Variants in MAP4K4 observed in about 807,000 individuals in gnomAD.
MAP4K4 encodes the protein HPK/GCK-like kinase HGK.
MAP4K4 carries 38 observed loss-of-function variants against 189.6 expected under a neutral mutation model. That is an observed-to-expected ratio of 0.20 (90% CI 0.15 to 0.26). The LOEUF (loss-of-function observed/expected upper bound fraction) is 0.26. Ranked by LOEUF, MAP4K4 falls within the 10% of genes least tolerant of loss-of-function variation. MAP4K4 has a pLI of 1.00. For synonymous variants in MAP4K4, 610 were observed against 624.3 expected, an observed-to-expected ratio of 0.98 and a Z score of 0.34; for missense variants, 1,054 against 1,726.9, an observed-to-expected ratio of 0.61 and a Z score of 6.91.
chr2:101,698,416 T>C, intron 1 of MAP4K4, 57 bp from the exon 2 acceptor site: 1 of 1,438,662 alleles, frequency 7.0e-7, no homozygotes, highest in Non-Finnish European at 9.8e-7. Context: ...CCTTGCTTGA[T>C]TTATTCATTT....
chr2:101,860,399 T>C (rs888929167), intron 15 of MAP4K4: 2 of 187,674 alleles, frequency 1.1e-5, no homozygotes, highest in African/African-American at 4.7e-5. Flanking sequence ...CCTTCTATTG[T>C]GTCTGCCCTC....
intron 6 of MAP4K4, among the ~76,000 whole-genome samples, chr2:101,830,097 GTTTTTT>G (rs376706649): frequency 6.6e-6 from 1 of 151,840 alleles, no homozygotes. Flanking sequence ...TGAAGTCACA[GTTTTTT>G]TTCTCATGTT....
intron 30 of MAP4K4, 170 bp downstream of exon 30, chr2:101,887,407 T>G: frequency 1.5e-6 from 1 of 663,212 alleles, no homozygotes. Flanking sequence ...CTTAGACAAG[T>G]GGAAATCCGC....
intron 2 of MAP4K4, among the ~76,000 whole-genome samples, chr2:101,739,991 G>T (rs2061905312): frequency 1.3e-5 from 2 of 152,140 alleles, no homozygotes; most frequent in African/African-American, 4.8e-5. Context: ...GGGAGGAAGG[G>T]TGATGGAGAA....
chr2:101,839,535 T>C (rs2096858600), intron 9 of MAP4K4, among the ~76,000 whole-genome samples: 1 of 152,220 alleles, frequency 6.6e-6, no homozygotes, highest in East Asian at 1.9e-4. Flanking sequence ...ATGTGCAATA[T>C]TAGATTTAAA....
chr2:101,729,079 AGAGAGAGAG>A lies in MAP4K4; in HGVS notation c.123+30542_123+30550del, dbSNP rs2057094721. ...GGCTCAGAAAATGATTAGAGAGAGGAGAGAGAGAGAGAGAGAGAGAGAGTGTGTGTGTGT... is the reference window on the plus strand; with the variant it reads ...GGCTCAGAAAATGATTAGAGAGAGGAAGAGAGAGAGAGAGTGTGTGTGTGT... On this transcript the variant is annotated intron_variant, in intron 2 of 32. Coordinates refer to ENST00000324219, the Ensembl canonical transcript of MAP4K4. Among the ~76,000 whole-genome samples the A allele has an allele frequency of 1.8e-5, 2 of 108,390 alleles. 1 individual carries two copies. Among genetic ancestry groups the A allele is most frequent in the South Asian group, 6.9e-4 (2 of 2,884 alleles). The allele number at this position is 108,390 out of a possible 152,430, so 71.1% of individuals were successfully genotyped here.
At chr2:101,888,804 C>A (rs1247832319) in exon 32 of MAP4K4, 2 of 1,607,504 alleles carry the variant, frequency 1.2e-6, no homozygotes, top group African/African-American at 2.7e-5. Flanking sequence ...AGCATATATT[C>A]GATCCAATCA....
At chr2:101,827,477 C>T (rs972659001) in intron 5 of MAP4K4, among the ~76,000 whole-genome samples, 1 of 152,122 alleles carries the variant, frequency 6.6e-6, no homozygotes, top group African/African-American at 2.4e-5. Context: ...AATGCAGCCA[C>T]CCCCAGACAG....
intron 2 of MAP4K4, among the ~76,000 whole-genome samples, chr2:101,740,405 C>G (rs1371486980): frequency 2.0e-5 from 2 of 102,522 alleles, no homozygotes; most frequent in South Asian, 2.3e-4. Flanking sequence ...CCGCCCGCCT[C>G]GGCCTCCCAA....
At chr2:101,784,780 TC>T (rs2089794044) in intron 2 of MAP4K4, among the ~76,000 whole-genome samples, 1 of 152,224 alleles carries the variant, frequency 6.6e-6, no homozygotes, top group South Asian at 2.1e-4. Context: ...ACTTGGCAGT[TC>T]CTATGTAAGT....
chr2:101,863,739 C>G, intron 16 of MAP4K4, 82 bp from the exon 17 acceptor site: 1 of 911,926 alleles, frequency 1.1e-6, no homozygotes, highest in African/African-American at 1.7e-5. Context: ...TCTGCCAGTT[C>G]CTGCTTTGGA....
At chr2:101,859,783 A>G (rs1046540257) in exon 15 of MAP4K4, 6 of 1,610,628 alleles carry the variant, frequency 3.7e-6, no homozygotes, top group East Asian at 2.2e-5. Flanking sequence ...AGCCGCCACC[A>G]CCGCAGCAGG....
intron 2 of MAP4K4, among the ~76,000 whole-genome samples, chr2:101,788,562 G>T (rs2092174615): frequency 6.6e-6 from 1 of 151,906 alleles, no homozygotes; most frequent in Admixed American, 6.5e-5. Flanking sequence ...TGATTTTCTG[G>T]TTTAAATTTA....
At chr2:101,764,676 C>G (rs780415984) in intron 2 of MAP4K4, among the ~76,000 whole-genome samples, 4 of 152,144 alleles carry the variant, frequency 2.6e-5, no homozygotes, top group African/African-American at 7.2e-5. Context: ...TCTTAGATTT[C>G]TGTAAAGCAG....
At chr2:101,884,516 G>C (rs143871084) in intron 28 of MAP4K4, among the ~76,000 whole-genome samples, 1 of 152,316 alleles carries the variant, frequency 6.6e-6, no homozygotes, top group East Asian at 1.9e-4. Flanking sequence ...TCAAGTAGCG[G>C]TGTGATGTTA....
chr2:101,888,756 C>G, intron 31 of MAP4K4, 40 bp from the exon 32 acceptor site: 1 of 1,505,352 alleles, frequency 6.6e-7, no homozygotes, highest in Non-Finnish European at 8.9e-7. Context: ...AGGGCTGTTT[C>G]CTCATCTTTA....
chr2:101,795,570 T>G (rs923132431), intron 3 of MAP4K4, among the ~76,000 whole-genome samples: 2 of 152,212 alleles, frequency 1.3e-5, no homozygotes, highest in East Asian at 3.8e-4. Context: ...CTTCCTTGTT[T>G]TCTGGAACAA....
At chr2:101,767,648 C>T (rs370986527) in intron 2 of MAP4K4, among the ~76,000 whole-genome samples, 3 of 152,152 alleles carry the variant, frequency 2.0e-5, no homozygotes, top group African/African-American at 4.8e-5. Flanking sequence ...ATGGGTCTGC[C>T]TCTGTTTTTA....
Position 101,825,312 on chromosome 2 carries a change from C to A in MAP4K4, c.307-7C>A. The A allele has an allele frequency of 6.3e-7, 1 of 1,585,402 alleles. No individual in the cohort carries two copies. The highest frequency in any genetic ancestry group is 2.3e-5 in the East Asian group (1 of 44,390). ...GTTGCTCACCTTGTGTCTTGTCTGC[C>A]CTATAGCTTGTTATGGAGTTCTGTG... is the stretch of plus-strand genomic sequence containing the variant. On this transcript the variant is annotated splice_polypyrimidine_tract_variant and splice_region_variant and intron_variant, in intron 4 of 32. Coordinates refer to ENST00000324219, the Ensembl canonical transcript of MAP4K4.
Sources: gnomAD v4.1 joint callset for allele counts (sites outside exome capture counted in the v4.1 genomes callset) on GRCh38, gnomAD v4.1.1 for gene constraint, MANE v1.5 for transcripts, NCBI Gene and HGNC (gene_info 2026-07-23, HGNC 2026-07-21) for gene names.